TSHR: variants seen among roughly 807,000 people sequenced by gnomAD.
TSHR encodes thyrotropin receptor.
Under a neutral mutation model 64.1 loss-of-function variants are expected in TSHR, and 51 were observed. That is an observed-to-expected ratio of 0.80 (90% CI 0.64 to 1.01). The LOEUF is 1.01. Among genes scored for constraint, TSHR ranks in the 50% least tolerant of loss-of-function variants. The pLI is 0.00. For missense variants in TSHR, 877 were observed against 942.8 expected (o/e 0.93, Z 0.91); for synonymous variants, 361 against 361.9 (o/e 1.00, Z 0.03).
chr14:80,985,311 A>AT lies in TSHR; in HGVS notation c.170+29469dup, dbSNP rs200602478. On this transcript the variant is annotated intron_variant, in intron 1 of 9. Transcript: ENST00000298171. Reference sequence around the variant, plus strand: ...TTCCTCCTTGCAAAATCATGCCTTAATTTTTTTTATCATTTGTGATTTATT... The same window carrying AT: ...TTCCTCCTTGCAAAATCATGCCTTAATTTTTTTTTATCATTTGTGATTTATT... 9.1e-4 allele frequency among the ~76,000 whole-genome samples: 139 copies of AT among 152,224 alleles called. No individual in the cohort carries two copies. The East Asian group carries it at 0.018, about 20-fold the overall frequency.
intron 1 of TSHR, chr14:80,982,194 A>G: frequency 1.7e-6 from 1 of 585,814 alleles, no homozygotes. Context: ...CGGTGCTGAG[A>G]TGAAGGAAGG....
At position 81,143,868 on chromosome 14, in the gene TSHR, A is replaced by T; in HGVS notation, c.1810A>T (p.Ile604Phe). Residue 604 changes from isoleucine to phenylalanine, a missense_variant, in exon 10 of 10, where the codon ATC becomes TTC. By Grantham distance (21) the Ile-to-Phe change is conservative (BLOSUM62 0). Coordinates refer to ENST00000298171, the MANE Select transcript of TSHR (RefSeq NM_000369.5). ...CATCGTCTGCTGCTGTTATGTGAAG[A>T]TCTACATCACAGTCCGAAATCCGCA... is the stretch of plus-strand genomic sequence containing the variant. Reference protein sequence around the residue: ...FVIVCCCYVKIYITVRNPQYN... With the variant: ...FVIVCCCYVKFYITVRNPQYN... 1 of 1,614,110 alleles carries T rather than the reference A, an allele frequency of 6.2e-7. No individual in the cohort carries two copies. Among genetic ancestry groups the T allele is most frequent in the Non-Finnish European group, 8.5e-7 (1 of 1,180,016 alleles).
chr14:80,984,166 A>G (rs1330221050), intron 1 of TSHR, among the ~76,000 whole-genome samples: 1 of 152,212 alleles, frequency 6.6e-6, no homozygotes, highest in African/African-American at 2.4e-5. Context: ...AATGTAAGAG[A>G]AACTACTCTT....
intron 1 of TSHR, among the ~76,000 whole-genome samples, chr14:81,041,647 G>A (rs1321704140): frequency 6.6e-6 from 1 of 152,076 alleles, no homozygotes; most frequent in African/African-American, 2.4e-5. Context: ...GAACAAACCT[G>A]CACTTGTACC....
chr14:81,136,715 C>T, intron 8 of TSHR, among the ~76,000 whole-genome samples: 1 of 152,158 alleles, frequency 6.6e-6, no homozygotes, highest in East Asian at 1.9e-4. Context: ...TATTGAGCAC[C>T]TACCATATGC....
chr14:81,071,318 T>A (rs1381307970), intron 3 of TSHR, among the ~76,000 whole-genome samples: 1 of 152,262 alleles, frequency 6.6e-6, no homozygotes, highest in Non-Finnish European at 1.5e-5. Flanking sequence ...CTTGACCTTT[T>A]ATCTTTATTA....
At chr14:81,104,485 C>T in intron 7 of TSHR, 2 of 985,420 alleles carry the variant, frequency 2.0e-6, no homozygotes, top group East Asian at 2.3e-4. Context: ...CGACATCACA[C>T]TCCTCTCTCT....
chr14:80,996,599 T>G (rs200432708), intron 1 of TSHR, among the ~76,000 whole-genome samples: 1 of 4,872 alleles, frequency 2.1e-4, no homozygotes, highest in African/African-American at 2.9e-4. Context: ...GGTCCTCAAC[T>G]GGCAAGAAGC....
Position 80,987,178 on chromosome 14 carries a change from TCTC to T in TSHR, c.170+31331_170+31333del, listed in dbSNP as rs1282223253. ...CTGGATCTAAGGATTGTATTCTGTATCTCCTTCTGTCAAATATTACACAGTTTA... is the reference window on the plus strand; with the variant it reads ...CTGGATCTAAGGATTGTATTCTGTATCTTCTGTCAAATATTACACAGTTTA... On this transcript the variant is annotated intron_variant, in intron 1 of 9. Coordinates refer to ENST00000298171, the MANE Select transcript of TSHR (RefSeq NM_000369.5). Among the ~76,000 whole-genome samples the T allele has an allele frequency of 2.0e-5, 3 of 152,330 alleles. No homozygotes were observed. In the South Asian group the frequency reaches 6.2e-4, roughly 32 times the overall value.
chr14:81,066,035 G>A (rs1055720064), intron 2 of TSHR, among the ~76,000 whole-genome samples: 1 of 152,142 alleles, frequency 6.6e-6, no homozygotes, highest in Admixed American at 6.5e-5. Flanking sequence ...TGTAAAAATG[G>A]GGTAAGTAAG....
intron 8 of TSHR, among the ~76,000 whole-genome samples, chr14:81,122,066 C>T (rs1362534165): frequency 9.3e-5 from 4 of 43,196 alleles, no homozygotes; most frequent in African/African-American, 2.0e-4. Flanking sequence ...TTTTTTGAGA[C>T]GAAGTCTTGC....
intron 3 of TSHR, among the ~76,000 whole-genome samples, chr14:81,082,568 G>A (rs1887983976): frequency 6.6e-6 from 1 of 152,116 alleles, no homozygotes; most frequent in Admixed American, 6.5e-5. Flanking sequence ...ACACCCCAAG[G>A]TCTCTCTCTG....
chr14:81,125,392 C>T (rs776962528), intron 8 of TSHR, among the ~76,000 whole-genome samples: 12 of 152,228 alleles, frequency 7.9e-5, no homozygotes, highest in South Asian at 4.1e-4. Flanking sequence ...CCTAATCTGA[C>T]GCAGCAGGTA....
At chr14:81,048,441 A>G (rs192936181) in intron 1 of TSHR, among the ~76,000 whole-genome samples, 1 of 152,146 alleles carries the variant, frequency 6.6e-6, no homozygotes, top group East Asian at 1.9e-4. Flanking sequence ...CATCCCAAAG[A>G]TGGGCATACT....
chr14:80,969,478 C>G (rs1887487847), intron 1 of TSHR, among the ~76,000 whole-genome samples: 1 of 152,130 alleles, frequency 6.6e-6, no homozygotes, highest in South Asian at 2.1e-4. Flanking sequence ...TGGAAATGGT[C>G]CAGTATAATC....
intron 2 of TSHR, among the ~76,000 whole-genome samples, chr14:81,066,282 G>T (rs1162058504): frequency 6.6e-6 from 1 of 152,128 alleles, no homozygotes; most frequent in Non-Finnish European, 1.5e-5. Flanking sequence ...AAACAAGTTG[G>T]CAGCCTTGAA....
chr14:81,049,193 G>A lies in TSHR; in HGVS notation c.171-12955G>A, dbSNP rs188590822. 2.8e-3 allele frequency among the ~76,000 whole-genome samples: 428 copies of A among 152,184 alleles called. 1 individual carries two copies. Among genetic ancestry groups the A allele is most frequent in the Admixed American group, 5.6e-3 (85 of 15,286 alleles). On this transcript the variant is annotated intron_variant, in intron 1 of 9. Transcript: ENST00000298171. ...AAAAAAATGTTTGGCTCCCACATTG[G>A]TCTCAGCTTCAGGCAGGCAGAAGCT...
At chr14:81,031,635 C>T (rs1035828805) in intron 1 of TSHR, among the ~76,000 whole-genome samples, 2 of 152,148 alleles carry the variant, frequency 1.3e-5, no homozygotes, top group East Asian at 1.9e-4. Flanking sequence ...TAGCAACCTG[C>T]GCCCAGGAGA....
At chr14:81,105,019 C>G (rs1421138209) in intron 7 of TSHR, 18 of 985,394 alleles carry the variant, frequency 1.8e-5, no homozygotes, top group Non-Finnish European at 1.9e-5. Flanking sequence ...TCGTCTCTTA[C>G]TACAAGCCTT....
Sources: gnomAD v4.1 joint callset for allele counts (sites outside exome capture counted in the v4.1 genomes callset) on GRCh38, gnomAD v4.1.1 for gene constraint, MANE v1.5 for transcripts, NCBI Gene and HGNC (gene_info 2026-07-23, HGNC 2026-07-21) for gene names.